The following CSMD1 variants were observed in gnomAD, a reference collection of about 807,000 sequenced individuals.
The protein encoded by CSMD1 is CUB and Sushi multiple domains 1.
Under a neutral mutation model 417.5 loss-of-function variants are expected in CSMD1, and 213 were observed. The observed-to-expected ratio is 0.51, with a 90% CI of 0.46 to 0.57. The LOEUF is 0.57. CSMD1 is among the 20% of genes least tolerant of loss of function. CSMD1 has a pLI of 0.00. For synonymous variants in CSMD1, 2,862 were observed against 1,736.8 expected (o/e 1.65, Z -16.11); for missense variants, 6,923 against 4,529.7 (o/e 1.53, Z -15.17).
rs537371608 is a variant in CSMD1 at position 3,059,329 on chromosome 8, G to A, written c.7475-6682C>T. Among the ~76,000 whole-genome samples the A allele has an allele frequency of 2.7e-5, 4 of 148,248 alleles. No individual in the cohort carries two copies. In the East Asian group the frequency reaches 7.9e-4, roughly 29 times the overall value. On this transcript the variant is annotated intron_variant, in intron 49 of 69. Coordinates refer to ENST00000635120, the MANE Select transcript of CSMD1 (RefSeq NM_033225.6). ...ACACGAGGGCTTCTGTCTTTATAAG[G>A]TGATCCTTGCACTCCCTTCCCTGCA... is the stretch of plus-strand genomic sequence containing the variant.
chr8:3,820,478 T>G (rs940663589), intron 5 of CSMD1, among the ~76,000 whole-genome samples: 1 of 152,234 alleles, frequency 6.6e-6, no homozygotes, highest in African/African-American at 2.4e-5. Context: ...CTTGTCCCAC[T>G]GGAAGTTTGT....
chr8:3,960,980 A>T (rs926931497), intron 5 of CSMD1, among the ~76,000 whole-genome samples: 1 of 151,932 alleles, frequency 6.6e-6, no homozygotes, highest in African/African-American at 2.4e-5. Flanking sequence ...AAATTCTTTT[A>T]AAAATATATT....
intron 3 of CSMD1, among the ~76,000 whole-genome samples, chr8:4,182,232 A>C (rs868597794): frequency 3.9e-5 from 6 of 152,178 alleles, no homozygotes; most frequent in South Asian, 4.1e-4. Flanking sequence ...CTTATGATAC[A>C]TAAGAAAAAA....
chr8:4,872,126 T>A (rs1802769197), intron 1 of CSMD1, among the ~76,000 whole-genome samples: 1 of 152,140 alleles, frequency 6.6e-6, no homozygotes, highest in Non-Finnish European at 1.5e-5. Flanking sequence ...CATTTTATCC[T>A]CACAACAATG....
intron 5 of CSMD1, among the ~76,000 whole-genome samples, chr8:3,960,844 T>G (rs796302633): frequency 7.9e-5 from 12 of 152,130 alleles, no homozygotes; most frequent in South Asian, 6.2e-4. Flanking sequence ...AATCGTAACA[T>G]TGTCATAAAA....
chr8:3,177,530 C>G (rs1189393201), intron 37 of CSMD1, among the ~76,000 whole-genome samples: 1 of 152,144 alleles, frequency 6.6e-6, no homozygotes, highest in African/African-American at 2.4e-5. Context: ...AGGTGTGTTT[C>G]AATCTCTAGG....
intron 4 of CSMD1, among the ~76,000 whole-genome samples, chr8:4,030,737 C>G (rs899817105): frequency 1.3e-5 from 2 of 152,154 alleles, no homozygotes; most frequent in African/African-American, 2.4e-5. Context: ...ATGGGATTTT[C>G]TTTTCTATCA....
At chr8:3,399,252 G>C in intron 16 of CSMD1, 139 bp downstream of exon 16, 3 of 681,070 alleles carry the variant, frequency 4.4e-6, no homozygotes, top group Non-Finnish European at 7.2e-6. Context: ...TTACAAGTAA[G>C]TGCCTGTTTC....
rs75207741 is a variant in CSMD1, at chr8:4,861,365, G to A, written c.85+132967C>T. Reference sequence around the variant, plus strand: ...CATTTCAGGCTTTATGGGTTCAATAGTTCCTTCTGAAGGCAGCTTGACTCT... The same window carrying A: ...CATTTCAGGCTTTATGGGTTCAATAATTCCTTCTGAAGGCAGCTTGACTCT... On this transcript the variant is annotated intron_variant, in intron 1 of 69. Coordinates refer to ENST00000635120, the MANE Select transcript of CSMD1 (RefSeq NM_033225.6). Among the ~76,000 whole-genome samples the A allele has an allele frequency of 8.5e-5, 13 of 152,220 alleles. No homozygotes were observed. In the East Asian group the frequency reaches 2.1e-3, roughly 25 times the overall value.
At chr8:3,178,401 C>A (rs1054024554) in intron 37 of CSMD1, among the ~76,000 whole-genome samples, 3 of 151,818 alleles carry the variant, frequency 2.0e-5, no homozygotes, top group African/African-American at 7.3e-5. Context: ...CTCCTTGATT[C>A]TCCAGACATT....
At chr8:4,909,115 G>C (rs906054059) in intron 1 of CSMD1, among the ~76,000 whole-genome samples, 1 of 152,202 alleles carries the variant, frequency 6.6e-6, no homozygotes, top group South Asian at 2.1e-4. Flanking sequence ...TGTAGGTGTA[G>C]GTGTCAGAGG....
intron 22 of CSMD1, among the ~76,000 whole-genome samples, chr8:3,343,867 C>T (rs998679204): frequency 6.6e-6 from 1 of 152,150 alleles, no homozygotes; most frequent in East Asian, 1.9e-4. Context: ...AGTCAAAGAA[C>T]ATACCCTTCC....
rs1056137968 is a variant in CSMD1 at position 2,936,481 on chromosome 8, A to C, written c.*2104T>G. 1 of 151,774 alleles carries C rather than the reference A, an allele frequency of 6.6e-6. No individual in the cohort carries two copies. The highest frequency in any genetic ancestry group is 1.5e-5 in the Non-Finnish European group (1 of 67,988). 9.4% of individuals were successfully genotyped at this position (151,774 alleles called of 1,614,324 possible). The stretch of plus-strand genomic sequence containing the variant: ...TTTCAATCATCTTCTGTTTCGTTCA[A>C]TGTGTGTGTTAGGAGCACGACTCCC... On this transcript the variant is annotated 3_prime_UTR_variant, in exon 70 of 70. Coordinates refer to ENST00000635120, the MANE Select transcript of CSMD1 (RefSeq NM_033225.6).
intron 5 of CSMD1, among the ~76,000 whole-genome samples, chr8:3,859,560 A>C (rs1235136991): frequency 6.6e-6 from 1 of 152,138 alleles, no homozygotes; most frequent in African/African-American, 2.4e-5. Flanking sequence ...TACATCTAAC[A>C]ATCTTAGTGC....
chr8:4,888,992 T>A (rs368030921), intron 1 of CSMD1, among the ~76,000 whole-genome samples: 4 of 152,236 alleles, frequency 2.6e-5, no homozygotes, highest in Admixed American at 2.6e-4. Flanking sequence ...AAAGAAATGA[T>A]GGAAATAGAA....
At position 4,652,936 on chromosome 8, in the gene CSMD1, G is replaced by A. The variant is rs191539933; in HGVS notation, c.86-15378C>T. Among the ~76,000 whole-genome samples the A allele has an allele frequency of 5.3e-5, 8 of 151,564 alleles. No homozygotes were observed. In the East Asian group the frequency reaches 1.5e-3, roughly 29 times the overall value. ...TGGGGTGGAGTTCAGGTGGTAATGTGAGTGATAGGGAGTGGCTGGAAATAC... is the reference window on the plus strand; with the variant it reads ...TGGGGTGGAGTTCAGGTGGTAATGTAAGTGATAGGGAGTGGCTGGAAATAC... On this transcript the variant is annotated intron_variant, in intron 1 of 69. Coordinates refer to ENST00000635120, the MANE Select transcript of CSMD1 (RefSeq NM_033225.6).
intron 6 of CSMD1, among the ~76,000 whole-genome samples, chr8:3,709,697 T>TGC (rs1801394322): frequency 6.0e-5 from 8 of 132,578 alleles, no homozygotes; most frequent in South Asian, 2.6e-4. Context: ...TTTTTTTTTT[T>TGC]TTTTTTTTTT....
chr8:4,992,085 C>T (rs113655555), intron 1 of CSMD1, among the ~76,000 whole-genome samples: 13 of 152,182 alleles, frequency 8.5e-5, no homozygotes, highest in Admixed American at 6.5e-4. Flanking sequence ...GGTTCTGGGA[C>T]CTGCAGCGCG....
chr8:3,657,847 T>A (rs1006162306), intron 7 of CSMD1, among the ~76,000 whole-genome samples: 1 of 152,146 alleles, frequency 6.6e-6, no homozygotes, highest in Non-Finnish European at 1.5e-5. Flanking sequence ...AGTATAATAA[T>A]AATAAAAGAG....
Sources: gnomAD v4.1 joint callset for allele counts (sites outside exome capture counted in the v4.1 genomes callset) on GRCh38, gnomAD v4.1.1 for gene constraint, MANE v1.5 for transcripts, NCBI Gene and HGNC (gene_info 2026-07-23, HGNC 2026-07-21) for gene names.